Variants in SPIN3 observed in about 807,000 individuals in gnomAD.
The protein encoded by SPIN3 is spindlin family member 3.
For missense variants in SPIN3, 176 were observed against 196.4 expected (o/e 0.90, Z 0.62); for synonymous variants, 74 against 74.3 (o/e 1.00, Z 0.02).
chrX:56,980,385 A>C (rs1219717128), intron 3 of SPIN3: 1 of 111,203 alleles, frequency 9.0e-6, no homozygotes, highest in Non-Finnish European at 1.9e-5. Flanking sequence ...GAGTGAAAAA[A>C]GCAGGACACA....
downstream of SPIN3, among the ~76,000 whole-genome samples, chrX:56,986,869 T>G (rs987973634): frequency 8.9e-6 from 1 of 112,337 alleles, no homozygotes; most frequent in Non-Finnish European, 1.9e-5. Context: ...TGGTGGGACA[T>G]GCCTGTAATC....
At chrX:56,988,120 T>C (rs998481318), downstream of SPIN3, among the ~76,000 whole-genome samples, 1 of 112,013 alleles carries the variant, frequency 8.9e-6, no homozygotes, top group African/African-American at 3.2e-5. Flanking sequence ...GCTGACTTTA[T>C]TGTTTTTTTC....
At chrX:56,976,548 C>T (rs921057982) in exon 6 of SPIN3, 1 of 111,386 alleles carries the variant, frequency 9.0e-6, no homozygotes, top group Admixed American at 9.6e-5. Context: ...AAGTTAATGT[C>T]CTAATGACCA....
downstream of SPIN3, chrX:56,976,045 C>A (rs1040853625): frequency 9.0e-6 from 1 of 111,170 alleles, no homozygotes; most frequent in African/African-American, 3.3e-5. Flanking sequence ...CTCCAGAATG[C>A]GACGTTTGGG....
At position 56,994,943 on chromosome X, in the gene SPIN3, T is replaced by C; in HGVS notation, c.5A>G (p.Lys2Arg). Residue 2 changes from lysine to arginine, a missense_variant, in exon 2 of 2, where the codon AAG becomes AGG. By Grantham distance (26) the Lys-to-Arg change is conservative. Transcript: ENST00000374919. Reference sequence around the variant, plus strand: ...TGCAGCTGCCTTTCCAAACGGGGTCTTCATGCCTGCGAAGAGGAGCACAGT... The same window carrying C: ...TGCAGCTGCCTTTCCAAACGGGGTCCTCATGCCTGCGAAGAGGAGCACAGT... M[K>R]TPFGKAAAGQ... 3.4e-6 allele frequency: 4 copies of C among 1,185,213 alleles called. No homozygotes were observed. Among genetic ancestry groups the C allele is most frequent in the Non-Finnish European group, 4.5e-6 (4 of 883,211 alleles).
chrX:56,983,795 C>G (rs1220328009), intron 3 of SPIN3, among the ~76,000 whole-genome samples: 1 of 112,422 alleles, frequency 8.9e-6, no homozygotes, highest in East Asian at 2.8e-4. Flanking sequence ...CTGAGGCCAT[C>G]TGCACTAGAA....
chrX:56,984,496 A>T, intron 2 of SPIN3: 1 of 329,644 alleles, frequency 3.0e-6, no homozygotes, highest in Non-Finnish European at 5.9e-6. Context: ...GCAAAAAAAA[A>T]AAGTACAGTG....
downstream of SPIN3, among the ~76,000 whole-genome samples, chrX:56,988,587 C>A (rs1038131205): frequency 2.3e-4 from 26 of 111,196 alleles, no homozygotes; most frequent in African/African-American, 8.2e-4. Context: ...CCAGGTAAAT[C>A]TTATCAGGTA....
In SPIN3 at chrX:56,992,583, A is replaced by G; in HGVS notation, c.*1588T>C. 1 of 297,113 alleles carries G rather than the reference A, an allele frequency of 3.4e-6. No homozygotes were observed. The highest frequency in any genetic ancestry group is 5.9e-6 in the Non-Finnish European group (1 of 170,130). 24.5% of individuals were successfully genotyped at this position (297,113 alleles called of 1,213,427 possible). ...TGGACTCCATGACCTGTGAACTTAA[A>G]CTAATTTGGAAGATATCTTGCAGTA... is the stretch of plus-strand genomic sequence containing the variant. On this transcript the variant is annotated 3_prime_UTR_variant, in exon 2 of 2. Coordinates refer to ENST00000374919, the MANE Select transcript of SPIN3 (RefSeq NM_001010862.3).
chrX:56,994,921 A>T lies in SPIN3; in HGVS notation c.27T>A (p.Ala9=). 1 of 1,199,052 alleles carries T rather than the reference A, an allele frequency of 8.3e-7. No homozygotes were observed. The part of the protein sequence containing the change: MKTPFGKA[A]AGQRSRTGAG... ...CGCCCGTCCTGGACCGCTGCCCTGC[A>T]GCTGCCTTTCCAAACGGGGTCTTCA... The change falls in exon 2 of 2, where the codon GCT becomes GCA. Residue 9 remains alanine, a synonymous_variant. Transcript: ENST00000374919.
rs1924329254 is a variant in SPIN3, at chrX:56,991,226, A to G, written c.*2945T>C. 1 of 112,243 alleles carries G rather than the reference A, an allele frequency of 8.9e-6. No individual in the cohort carries two copies. The highest frequency in any genetic ancestry group is 1.9e-5 in the Non-Finnish European group (1 of 53,278). The allele number at this position is 112,243 out of a possible 1,213,427, so 9.3% of individuals were successfully genotyped here. A position where few individuals can be genotyped will look rare whatever the true frequency, so the allele number is the denominator to read the frequency against. On this transcript the variant is annotated 3_prime_UTR_variant, in exon 2 of 2. Coordinates refer to ENST00000374919, the MANE Select transcript of SPIN3 (RefSeq NM_001010862.3). ...AGCTGATAGAGCTGGATTGGAGAAC[A>G]TGGCTTGGACCTGAGGCTGAAATGA...
At chrX:56,978,480 C>T (rs1924050157) in intron 4 of SPIN3, 1 of 112,034 alleles carries the variant, frequency 8.9e-6, no homozygotes, top group African/African-American at 3.2e-5. Context: ...TGGTAGGAGA[C>T]TCTGGGATGC....
exon 6 of SPIN3, chrX:56,977,100 T>C (rs1314129429): frequency 1.8e-5 from 2 of 111,700 alleles, no homozygotes; most frequent in African/African-American, 6.5e-5. Flanking sequence ...CTAGCAAATA[T>C]GGTGAAACTG....
At chrX:56,995,106 T>C (rs1000790534) in intron 1 of SPIN3, 110 bp downstream of exon 1, 1 of 560,976 alleles carries the variant, frequency 1.8e-6, no homozygotes, top group Admixed American at 4.2e-5. Flanking sequence ...CAAGGCACCC[T>C]GGCTGAGTGC....
chrX:56,991,186 A>T lies in SPIN3; in HGVS notation c.*2985T>A, dbSNP rs1924327838. 3 of 112,469 alleles carry T rather than the reference A, an allele frequency of 2.7e-5. No individual in the cohort carries two copies. Among genetic ancestry groups the T allele is most frequent in the African/African-American group, 9.7e-5 (3 of 31,080 alleles). 9.3% of individuals were successfully genotyped at this position (112,469 alleles called of 1,213,427 possible). Reference sequence around the variant, plus strand: ...TAAAACTGTAAAAAAGAATCAAAATAGATACCAGCTTTATAGCTGATAGAG... The same window carrying T: ...TAAAACTGTAAAAAAGAATCAAAATTGATACCAGCTTTATAGCTGATAGAG... On this transcript the variant is annotated 3_prime_UTR_variant, in exon 2 of 2. Transcript: ENST00000374919.
At chrX:56,981,162 A>C (rs981463734) in intron 3 of SPIN3, among the ~76,000 whole-genome samples, 1 of 109,724 alleles carries the variant, frequency 9.1e-6, no homozygotes, top group Non-Finnish European at 1.9e-5. Context: ...GGAGTTTGAG[A>C]CCAGCCTGGC....
Position 56,994,747 on chromosome X carries a change from C to T in SPIN3, c.201G>A (p.Gln67=). The change falls in exon 2 of 2, where the codon CAG becomes CAA. Residue 67 remains glutamine (Q), a synonymous_variant. Transcript: ENST00000374919. ...CCTGATCCAGAACGGTTCCTTTCCA[C>T]TGTGTTAGAGGTTCATCTCCATCTT... ...GWKDGDEPLT[Q]WKGTVLDQVP... 1 of 1,211,881 alleles carries T rather than the reference C, an allele frequency of 8.3e-7. No individual in the cohort carries two copies. The highest frequency in any genetic ancestry group is 1.1e-6 in the Non-Finnish European group (1 of 895,523).
Position 56,994,867 on chromosome X carries a change from C to G in SPIN3, c.81G>C (p.Met27Ile). ...TCTTGTGTGCAGCCTTCCTCTTTAT[C>G]ATGGTAACAGACACACTGCCGTGGC... The part of the protein sequence containing the change: ...GAGHGSVSVT[M>I]IKRKAAHKKH... The change falls in exon 2 of 2, where the codon ATG becomes ATC. Residue 27 changes from methionine (M) to isoleucine (I), a missense_variant. Physicochemically the swap from Met to Ile is conservative, Grantham distance 10. Coordinates refer to ENST00000374919, the MANE Select transcript of SPIN3 (RefSeq NM_001010862.3). The G allele has an allele frequency of 1.7e-6, 2 of 1,211,902 alleles. No individual in the cohort carries two copies. The highest frequency in any genetic ancestry group is 2.2e-6 in the Non-Finnish European group (2 of 895,570).
chrX:56,986,256 G>A (rs1251737232), downstream of SPIN3, among the ~76,000 whole-genome samples: 2 of 111,190 alleles, frequency 1.8e-5, no homozygotes, highest in Non-Finnish European at 3.8e-5. Flanking sequence ...TTTAACAGTA[G>A]GAACAAAGTG....
Sources: allele counts gnomAD v4.1 joint callset (sites outside exome capture counted in the v4.1 genomes callset), GRCh38; gene constraint gnomAD v4.1.1; transcripts MANE v1.5; gene names NCBI Gene and HGNC (gene_info 2026-07-23, HGNC 2026-07-21).